OSBPL9: variants seen among roughly 807,000 people sequenced by gnomAD.
OSBPL9 encodes the protein oxysterol binding protein like 9, also known as oxysterol-binding protein-related protein 9.
A neutral mutation model predicts 106.6 loss-of-function variants in OSBPL9; 40 were observed. That is an observed-to-expected ratio of 0.38 (90% CI 0.29 to 0.49). OSBPL9 has a LOEUF of 0.49. OSBPL9 is among the 20% of genes least tolerant of loss of function. OSBPL9 has a pLI of 0.97. For missense variants in OSBPL9, 609 were observed against 887.2 expected, an observed-to-expected ratio of 0.69 and a Z score of 3.98; for synonymous variants, 269 against 295.4, an observed-to-expected ratio of 0.91 and a Z score of 0.92.
At chr1:51,588,413 C>T (rs916737143) in intron 1 of OSBPL9, among the ~76,000 whole-genome samples, 14 of 152,048 alleles carry the variant, frequency 9.2e-5, no homozygotes, top group African/African-American at 3.1e-4. Context: ...AATCTCAGCA[C>T]ATTGGGAAGC....
At position 51,648,761 on chromosome 1, in the gene OSBPL9, G is replaced by A. The variant is rs567911330; in HGVS notation, c.112-3230G>A. Among the ~76,000 whole-genome samples, 20 of 152,316 alleles carry A rather than the reference G, an allele frequency of 1.3e-4. No individual in the cohort carries two copies. The South Asian group carries it at 4.1e-3, about 32-fold the overall frequency. On this transcript the variant is annotated intron_variant, in intron 1 of 23. Coordinates refer to ENST00000428468, the MANE Select transcript of OSBPL9 (RefSeq NM_024586.6). ...CTGGGTAACTTACTTGATATCCCTA[G>A]TGTCATTTTCATTTTTAATATAGGA...
rs1002982692 is a variant in OSBPL9, at chr1:51,590,636, GAAAA to G, written c.-422-7483_-422-7480del. Among the ~76,000 whole-genome samples, 15 of 140,026 alleles carry G rather than the reference GAAAA, an allele frequency of 1.1e-4. 1 individual carries two copies. The highest frequency in any genetic ancestry group is 3.2e-4 in the African/African-American group (12 of 37,710). 91.9% of individuals were successfully genotyped at this position (140,026 alleles called of 152,430 possible). On this transcript the variant is annotated intron_variant, in intron 1 of 25. Coordinates refer to the OSBPL9 transcript ENST00000371714. Reference sequence around the variant, plus strand: ...CTCCGTCTCAAAAAAAAAAAAAAAAGAAAAAAAAGAAAAAAAAAGTCACGTTTAG... The same window carrying G: ...CTCCGTCTCAAAAAAAAAAAAAAAAGAAAAGAAAAAAAAAGTCACGTTTAG...
At chr1:51,722,286 A>G (rs1189922809) in intron 4 of OSBPL9, among the ~76,000 whole-genome samples, 1 of 152,242 alleles carries the variant, frequency 6.6e-6, no homozygotes, top group African/African-American at 2.4e-5. Flanking sequence ...TGGCAACTCA[A>G]GCATTTTCAA....
chr1:51,785,935 T>C (rs1271911425), intron 21 of OSBPL9, 49 bp downstream of exon 21: 2 of 1,465,964 alleles, frequency 1.4e-6, no homozygotes, highest in African/African-American at 2.8e-5. Flanking sequence ...TAGATTGTAC[T>C]CTATCCCTTT....
intron 1 of OSBPL9, among the ~76,000 whole-genome samples, chr1:51,643,778 G>T (rs907987304): frequency 6.6e-6 from 1 of 151,946 alleles, no homozygotes; most frequent in Non-Finnish European, 1.5e-5. Context: ...AAGAGATAGA[G>T]AAGAATTAGA....
chr1:51,613,717 A>G (rs1015953578), upstream of OSBPL9, among the ~76,000 whole-genome samples: 4 of 148,510 alleles, frequency 2.7e-5, no homozygotes, highest in African/African-American at 9.9e-5. Context: ...CTCTTAAACC[A>G]AGCCTTGCCT....
At chr1:51,582,399 C>T (rs188378056) in intron 1 of OSBPL9, among the ~76,000 whole-genome samples, 2 of 152,328 alleles carry the variant, frequency 1.3e-5, no homozygotes, top group East Asian at 3.9e-4. Context: ...GTGATCCTGG[C>T]TAACTGCAAC....
rs756367557 is a variant in OSBPL9, at chr1:51,772,757, A to T, written c.1170+34A>T. ...AAATTTGCTGTAAGTCTGTGTGGGT[A>T]TGTATGGATTCTCAGTGATTGCGTG... On this transcript the variant is annotated intron_variant, in intron 14 of 23. Coordinates refer to ENST00000428468, the MANE Select transcript of OSBPL9 (RefSeq NM_024586.6). The T allele has an allele frequency of 1.1e-5, 15 of 1,428,380 alleles. No individual in the cohort carries two copies. The African/African-American group carries it at 1.8e-4, about 17-fold the overall frequency. 88.5% of individuals were successfully genotyped at this position (1,428,380 alleles called of 1,614,324 possible).
intron 3 of OSBPL9, among the ~76,000 whole-genome samples, chr1:51,689,008 A>T (rs2148821144): frequency 6.6e-6 from 1 of 152,328 alleles, no homozygotes; most frequent in Non-Finnish European, 1.5e-5. Flanking sequence ...GCCTTCAGAA[A>T]GGTTGTTTAC....
intron 12 of OSBPL9, among the ~76,000 whole-genome samples, chr1:51,771,836 C>T (rs1673967515): frequency 2.0e-5 from 3 of 152,168 alleles, no homozygotes; most frequent in Non-Finnish European, 4.4e-5. Context: ...TAGTTTTAAA[C>T]TTAAATGCAG....
intron 1 of OSBPL9, among the ~76,000 whole-genome samples, chr1:51,585,037 A>G (rs1177439027): frequency 6.6e-6 from 1 of 152,096 alleles, no homozygotes; most frequent in East Asian, 1.9e-4. Flanking sequence ...AGCCATGTGC[A>G]GTGGTGCACA....
At chr1:51,597,024 G>A (rs905615275) in intron 1 of OSBPL9, among the ~76,000 whole-genome samples, 1 of 152,166 alleles carries the variant, frequency 6.6e-6, no homozygotes, top group Admixed American at 6.5e-5. Context: ...CCTCCTTGAG[G>A]TGACACTTTG....
chr1:51,649,309 G>A (rs940262905), intron 1 of OSBPL9, among the ~76,000 whole-genome samples: 8 of 152,066 alleles, frequency 5.3e-5, no homozygotes, highest in African/African-American at 9.7e-5. Flanking sequence ...GTTTCACCAC[G>A]TTAGCCAGGC....
At chr1:51,731,973 C>T (rs1664565377) in intron 4 of OSBPL9, among the ~76,000 whole-genome samples, 1 of 152,070 alleles carries the variant, frequency 6.6e-6, no homozygotes, top group Non-Finnish European at 1.5e-5. Context: ...CTACTGGTCA[C>T]GTTCATTTTG....
In OSBPL9 at chr1:51,785,809, T is replaced by C; in HGVS notation, c.1831T>C (p.Ser611Pro). ...KKHRITAEIF[S>P]PNDKKSFCSI... ...ACAAGTATTTCCTTTTCTGTTCAGT[T>C]CTCCAAATGACAAGAAGTCTTTTTG... The change falls in exon 21 of 24, where the codon TCT becomes CCT. Residue 611 changes from serine (S) to proline (P), a missense_variant and splice_region_variant. By Grantham distance (74) the Ser-to-Pro change is moderately conservative. Transcript: ENST00000428468. 2 of 1,611,062 alleles carry C rather than the reference T, an allele frequency of 1.2e-6. No individual in the cohort carries two copies. The highest frequency in any genetic ancestry group is 1.7e-6 in the Non-Finnish European group (2 of 1,179,166).
chr1:51,663,466 T>G (rs889621673), intron 2 of OSBPL9, among the ~76,000 whole-genome samples: 4 of 152,206 alleles, frequency 2.6e-5, no homozygotes, highest in Non-Finnish European at 5.9e-5. Context: ...TGGCTATGAC[T>G]ATGTTCAAGA....
At chr1:51,572,805 G>A (rs1434695240), upstream of OSBPL9, among the ~76,000 whole-genome samples, 1 of 152,212 alleles carries the variant, frequency 6.6e-6, no homozygotes, top group African/African-American at 2.4e-5. Context: ...TCAATGAATG[G>A]ACATATTATA....
intron 1 of OSBPL9, among the ~76,000 whole-genome samples, chr1:51,585,900 C>T (rs913615347): frequency 1.0e-4 from 15 of 150,750 alleles, no homozygotes; most frequent in Non-Finnish European, 1.9e-4. Context: ...TGGCCAGGAG[C>T]GGTGACTCGC....
intron 3 of OSBPL9, chr1:51,709,372 T>C: frequency 4.7e-6 from 1 of 211,710 alleles, no homozygotes; most frequent in Non-Finnish European, 1.0e-5. Context: ...CTGGGAGGCG[T>C]GCATAAGCAT....
Sources: allele counts gnomAD v4.1 joint callset (sites outside exome capture counted in the v4.1 genomes callset), GRCh38; gene constraint gnomAD v4.1.1; transcripts MANE v1.5; gene names NCBI Gene and HGNC (gene_info 2026-07-23, HGNC 2026-07-21).